CADM3: variants seen among roughly 807,000 people sequenced by gnomAD.
CADM3 encodes the protein cell adhesion molecule 3, also known as TSLC1-like 1.
In CADM3, 11 loss-of-function variants were observed where a neutral mutation model predicts 44.9. That is an observed-to-expected ratio of 0.25 (90% CI 0.15 to 0.41). The LOEUF (loss-of-function observed/expected upper bound fraction) is 0.41. Among genes scored for constraint, CADM3 ranks in the 10% least tolerant of loss-of-function variants. The pLI, the probability that CADM3 is intolerant of heterozygous loss-of-function variation, is 1.00. For missense variants in CADM3, 426 were observed against 512.0 expected (o/e 0.83, Z 1.62); for synonymous variants, 207 against 205.2 (o/e 1.01, Z -0.08).
chr1:159,198,819 C>T (rs862996), intron 7 of CADM3, among the ~76,000 whole-genome samples: 120,513 of 152,100 alleles, frequency 0.79, 48,378 homozygotes, highest in East Asian at 0.93. Context: ...ATCCTCTATA[C>T]AGGTTGTCAA....
chr1:159,175,788 C>G (rs572639776), intron 1 of CADM3, among the ~76,000 whole-genome samples: 133 of 152,290 alleles, frequency 8.7e-4, no homozygotes, highest in Non-Finnish European at 7.5e-4. Context: ...TCACTATTCA[C>G]TTGGAGAGAG....
At chr1:159,199,705 A>C (rs769892962) in intron 7 of CADM3, 46 bp from the exon 8 acceptor site, 1 of 1,613,852 alleles carries the variant, frequency 6.2e-7, no homozygotes, top group South Asian at 1.1e-5. Context: ...GCTATAAGAT[A>C]AGGGCTCTCC....
Position 159,192,075 on chromosome 1 carries a change from A to G in CADM3, c.228A>G (p.Arg76=). ...AGACTCTCTACTTTGGGGAGAAGAG[A>G]GGTAGTATCTCATGAGTTATCTTTC... ...AQQTLYFGEK[R]ALRDNRIQLV... Residue 76 remains arginine (R), a splice_region_variant and synonymous_variant, in exon 2 of 9, where the codon AGA becomes AGG. Coordinates refer to ENST00000368125, the MANE Select transcript of CADM3 (RefSeq NM_001127173.3). 6 of 1,613,828 alleles carry G rather than the reference A, an allele frequency of 3.7e-6. No individual in the cohort carries two copies. Among genetic ancestry groups the G allele is most frequent in the Non-Finnish European group, 5.1e-6 (6 of 1,179,974 alleles).
In CADM3 at chr1:159,197,012, A is replaced by T; in HGVS notation, c.904A>T (p.Thr302Ser). ...SDSGTYGCTA[T>S]SNMGSYKAYY... The stretch of plus-strand genomic sequence containing the variant: ...CAGTGGCACCTACGGCTGCACAGCC[A>T]CCAGCAACATGGGCAGCTACAAGGC... Residue 302 changes from threonine to serine, a missense_variant, in exon 7 of 9, where the codon ACC becomes TCC. By Grantham distance (58) the Thr-to-Ser change is moderately conservative. This residue lies in a region of CADM3 where 362 missense variants were observed against 474.6 expected (regional missense o/e 0.76). Coordinates refer to ENST00000368125, the MANE Select transcript of CADM3 (RefSeq NM_001127173.3). 3 of 1,614,158 alleles carry T rather than the reference A, an allele frequency of 1.9e-6. No individual in the cohort carries two copies. In the African/African-American group the frequency reaches 4.0e-5, roughly 22 times the overall value.
rs74467108 is a variant in CADM3, at chr1:159,179,021, T to C, written c.88+7168T>C. On this transcript the variant is annotated intron_variant, in intron 1 of 8. Transcript: ENST00000368125. ...AACTTCATTCCTCAAGGACAGGTAA[T>C]GAGAGTGATTTATCTCTATGAGCGA... is the stretch of plus-strand genomic sequence containing the variant. Among the ~76,000 whole-genome samples the C allele has an allele frequency of 5.6e-3, 853 of 152,296 alleles. 19 individuals carry two copies. Among genetic ancestry groups the C allele is most frequent in the Admixed American group, 0.038 (575 of 15,296 alleles).
intron 1 of CADM3, among the ~76,000 whole-genome samples, chr1:159,172,237 G>A (rs1230489878): frequency 6.6e-6 from 1 of 152,104 alleles, no homozygotes; most frequent in Non-Finnish European, 1.5e-5. Flanking sequence ...TGTGTGTTGG[G>A]GGCGGAGTGA....
chr1:159,186,829 C>G (rs1052696576), intron 1 of CADM3, among the ~76,000 whole-genome samples: 1 of 152,168 alleles, frequency 6.6e-6, no homozygotes, highest in East Asian at 1.9e-4. Flanking sequence ...AAAAAAAAAG[C>G]CACCTCTTAC....
intron 1 of CADM3, among the ~76,000 whole-genome samples, chr1:159,191,409 G>A (rs1341355383): frequency 2.0e-5 from 3 of 152,192 alleles, no homozygotes; most frequent in African/African-American, 7.2e-5. Flanking sequence ...TTGTTTTGCA[G>A]TTTTCTACCA....
At chr1:159,185,791 G>C (rs1649394738) in intron 1 of CADM3, among the ~76,000 whole-genome samples, 1 of 152,136 alleles carries the variant, frequency 6.6e-6, no homozygotes, top group South Asian at 2.1e-4. Context: ...AAGATGCTTA[G>C]TATCTGATTC....
rs965496038 is a variant in CADM3, at chr1:159,202,887, T to G, written c.*1965T>G. 6.6e-6 allele frequency: 1 copy of G among 151,672 alleles called. No homozygotes were observed. Among genetic ancestry groups the G allele is most frequent in the African/African-American group, 2.4e-5 (1 of 41,240 alleles). The allele number at this position is 151,672 out of a possible 1,614,324, so 9.4% of individuals were successfully genotyped here. A position where few individuals can be genotyped will look rare whatever the true frequency, so the allele number is the denominator to read the frequency against. On this transcript the variant is annotated 3_prime_UTR_variant, in exon 9 of 9. Coordinates refer to ENST00000368125, the MANE Select transcript of CADM3 (RefSeq NM_001127173.3). Reference sequence around the variant, plus strand: ...CCCTGGGGCCCCAGGCCTGTTGAGCTTCTTGTCTCCCAGCACCCGCTTTTG... The same window carrying G: ...CCCTGGGGCCCCAGGCCTGTTGAGCGTCTTGTCTCCCAGCACCCGCTTTTG...
At chr1:159,173,009 A>C (rs112455275) in intron 1 of CADM3, among the ~76,000 whole-genome samples, 1 of 151,866 alleles carries the variant, frequency 6.6e-6, no homozygotes, top group Non-Finnish European at 1.5e-5. Flanking sequence ...TCCTCCCCCC[A>C]CCGCCCTGTC....
chr1:159,197,144 T>A (rs747814576), intron 7 of CADM3, 84 bp downstream of exon 7: 24 of 1,436,970 alleles, frequency 1.7e-5, no homozygotes, highest in Admixed American at 7.1e-5. Flanking sequence ...CCTGATAACA[T>A]CCCCAAACTG....
intron 1 of CADM3, among the ~76,000 whole-genome samples, chr1:159,182,801 A>G (rs1293991681): frequency 2.6e-5 from 4 of 152,244 alleles, no homozygotes; most frequent in Non-Finnish European, 5.9e-5. Context: ...TTTAGGAACT[A>G]TGTAAAATAT....
rs1392349029 is a variant in CADM3, at chr1:159,196,958, C to T, written c.850C>T (p.Leu284=). 6.2e-7 allele frequency: 1 copy of T among 1,613,960 alleles called. No individual in the cohort carries two copies. Among genetic ancestry groups the T allele is most frequent in the African/African-American group, 1.3e-5 (1 of 74,882 alleles). ...CCTGAAGATGACCCAGGAGAGTGCC[C>T]TGATCTTCCCTTTCCTCAACAAGAG... is the stretch of plus-strand genomic sequence containing the variant. The part of the protein sequence containing the change: ...PPLKMTQESA[L]IFPFLNKSDS... Residue 284 remains leucine (L), a synonymous_variant, in exon 7 of 9, where the codon CTG becomes TTG. Transcript: ENST00000368125.
At chr1:159,189,394 T>C (rs1289479827) in intron 1 of CADM3, among the ~76,000 whole-genome samples, 1 of 152,234 alleles carries the variant, frequency 6.6e-6, no homozygotes, top group Non-Finnish European at 1.5e-5. Context: ...GAGAAATCTT[T>C]GGTGGTCTTT....
chr1:159,197,475 G>C (rs1649954385), intron 7 of CADM3: 1 of 165,372 alleles, frequency 6.0e-6, no homozygotes, highest in African/African-American at 2.4e-5. Flanking sequence ...TGCAACTGCT[G>C]TCATTTTTTT....
At position 159,174,723 on chromosome 1, in the gene CADM3, T is replaced by C. The variant is rs138546161; in HGVS notation, c.88+2870T>C. Reference sequence around the variant, plus strand: ...CAGGTAAGACATTTAGAATGTCCCATCTGCCCTTCCTTCTCACATTTCCCC... The same window carrying C: ...CAGGTAAGACATTTAGAATGTCCCACCTGCCCTTCCTTCTCACATTTCCCC... On this transcript the variant is annotated intron_variant, in intron 1 of 8. Transcript: ENST00000368125. 2.2e-3 allele frequency among the ~76,000 whole-genome samples: 331 copies of C among 152,322 alleles called. 2 individuals are homozygous for C. The highest frequency in any genetic ancestry group is 7.5e-3 in the African/African-American group (312 of 41,570).
At position 159,192,707 on chromosome 1, in the gene CADM3, C is replaced by T. The variant is rs1649722531; in HGVS notation, c.359C>T (p.Ala120Val). ...CSIFTMPVRT[A>V]KSLVTVLGIP... ...ATCTTCACTATGCCTGTGCGAACTG[C>T]CAAGTCCCTCGTCACTGTGCTAGGT... The change falls in exon 3 of 9, where the codon GCC (alanine) becomes GTC (valine). Residue 120 changes from alanine to valine, a missense_variant. Transcript: ENST00000368125. 6.2e-7 allele frequency: 1 copy of T among 1,613,626 alleles called. No homozygotes were observed. The highest frequency in any genetic ancestry group is 1.3e-5 in the African/African-American group (1 of 74,884).
At chr1:159,198,017 C>G (rs1649981672) in intron 7 of CADM3, 1 of 152,250 alleles carries the variant, frequency 6.6e-6, no homozygotes, top group African/African-American at 2.4e-5. Flanking sequence ...GCCCCCAGAT[C>G]TCTCCAGACC....
Sources: allele counts gnomAD v4.1 joint callset (sites outside exome capture counted in the v4.1 genomes callset), GRCh38; gene constraint gnomAD v4.1.1; regional missense constraint gnomAD v4.1.1; transcripts MANE v1.5; gene names NCBI Gene and HGNC (gene_info 2026-07-23, HGNC 2026-07-21).